PRKAG2: variants seen among roughly 807,000 people sequenced by gnomAD.
PRKAG2 encodes 5'-AMP-activated protein kinase subunit gamma-2.
In PRKAG2, 26 loss-of-function variants were observed where a neutral mutation model predicts 69.6. That is an observed-to-expected ratio of 0.37 (90% CI 0.27 to 0.52). PRKAG2 has a LOEUF of 0.52. PRKAG2 is among the 20% of genes least tolerant of loss of function. The probability of loss-of-function intolerance (pLI) is 0.90; values close to 1 mark genes in which losing one functional copy is unlikely to be tolerated. For missense variants in PRKAG2, 557 were observed against 740.0 expected (o/e 0.75, Z 2.87); for synonymous variants, 293 against 285.0 (o/e 1.03, Z -0.28).
rs1017608336 is a variant in PRKAG2, at chr7:151,614,183, G to GA, written c.754+17885dup. ...TCCAACACGGCCTGTCAGGGGAGGTGACGCTGTCTCCAGCTGTGTCTTGAA... is the reference window on the plus strand; with the variant it reads ...TCCAACACGGCCTGTCAGGGGAGGTGAACGCTGTCTCCAGCTGTGTCTTGAA... On this transcript the variant is annotated intron_variant, in intron 5 of 15. Coordinates refer to ENST00000287878, the MANE Select transcript of PRKAG2 (RefSeq NM_016203.4). This position sits in a 1 kb window ranked among gnomAD's most constrained non-coding sequence, Gnocchi z 4.4. Among the ~76,000 whole-genome samples, 1 of 152,128 alleles carries GA rather than the reference G, an allele frequency of 6.6e-6. No individual in the cohort carries two copies. Among genetic ancestry groups the GA allele is most frequent in the African/African-American group, 2.4e-5 (1 of 41,440 alleles).
chr7:151,573,330 TG>T (rs1329570815), intron 8 of PRKAG2, among the ~76,000 whole-genome samples: 1 of 132,096 alleles, frequency 7.6e-6, no homozygotes, highest in African/African-American at 2.9e-5. Flanking sequence ...CTAATTTTTG[TG>T]GGTTTTTTTT....
chr7:151,565,519 A>C, intron 12 of PRKAG2, 136 bp from the exon 13 acceptor site: 1 of 980,404 alleles, frequency 1.0e-6, no homozygotes, highest in Non-Finnish European at 1.5e-6. Context: ...GAAAACTTAG[A>C]TATGAAATCA....
intron 4 of PRKAG2, among the ~76,000 whole-genome samples, chr7:151,665,013 C>T (rs1461251426): frequency 6.6e-6 from 1 of 152,202 alleles, no homozygotes; most frequent in African/African-American, 2.4e-5. Context: ...TGATGCTAAT[C>T]CAAGGCCATG....
intron 4 of PRKAG2, among the ~76,000 whole-genome samples, chr7:151,633,883 T>C (rs1825277329): frequency 6.6e-6 from 1 of 152,208 alleles, no homozygotes; most frequent in Non-Finnish European, 1.5e-5. Flanking sequence ...TAAATAAGCT[T>C]ATTCTAAAAT....
chr7:151,698,228 C>A (rs1837025632), intron 3 of PRKAG2, among the ~76,000 whole-genome samples: 1 of 152,222 alleles, frequency 6.6e-6, no homozygotes, highest in South Asian at 2.1e-4. Flanking sequence ...TGGGCTAATG[C>A]CCCTGGGGGC....
intron 1 of PRKAG2, among the ~76,000 whole-genome samples, chr7:151,827,956 T>C (rs2078946399): frequency 6.6e-6 from 1 of 152,138 alleles, no homozygotes; most frequent in Admixed American, 6.5e-5. Flanking sequence ...CTCCCCATCA[T>C]GTCGCTTCCT....
chr7:151,822,257 G>A (rs1176445410), intron 1 of PRKAG2, among the ~76,000 whole-genome samples: 3 of 152,200 alleles, frequency 2.0e-5, no homozygotes, highest in Non-Finnish European at 4.4e-5. Context: ...GAGGCCTCGA[G>A]CCCAGGAACG....
At chr7:151,580,646 T>C (rs1243504793) in intron 6 of PRKAG2, among the ~76,000 whole-genome samples, 1 of 152,158 alleles carries the variant, frequency 6.6e-6, no homozygotes, top group Admixed American at 6.6e-5. Context: ...TCAAAGATGC[T>C]ATGTAATCTG....
intron 1 of PRKAG2, among the ~76,000 whole-genome samples, chr7:151,858,566 C>T (rs1385920020): frequency 6.6e-6 from 1 of 152,208 alleles, no homozygotes; most frequent in Non-Finnish European, 1.5e-5. Context: ...CACACACACA[C>T]ACCACCCCTG....
At chr7:151,782,361 G>A (rs1563663159) in intron 2 of PRKAG2, among the ~76,000 whole-genome samples, 21 of 34,120 alleles carry the variant, frequency 6.2e-4, no homozygotes, top group Non-Finnish European at 9.6e-4. Flanking sequence ...GGGAGGGAGG[G>A]AGGGAGGGAG....
intron 4 of PRKAG2, among the ~76,000 whole-genome samples, chr7:151,639,098 C>T (rs544989689): frequency 5.9e-5 from 9 of 152,286 alleles, no homozygotes; most frequent in African/African-American, 1.9e-4. Flanking sequence ...GTCTCAGTCC[C>T]AGCCCAGCCC....
chr7:151,679,948 T>G (rs1392875106), intron 3 of PRKAG2, among the ~76,000 whole-genome samples: 1 of 151,442 alleles, frequency 6.6e-6, no homozygotes, highest in Non-Finnish European at 1.5e-5. Flanking sequence ...GCCTGTAGTC[T>G]CAGCTACATG....
At chr7:151,635,753 C>T (rs1412233910) in intron 4 of PRKAG2, among the ~76,000 whole-genome samples, 2 of 152,142 alleles carry the variant, frequency 1.3e-5, no homozygotes, top group African/African-American at 4.8e-5. Flanking sequence ...GGTGACCGAA[C>T]TGTTCTACAT....
chr7:151,632,268 C>T lies in PRKAG2; in HGVS notation c.685-130G>A. On this transcript the variant is annotated intron_variant, in intron 4 of 15. Transcript: ENST00000287878. This position sits in a 1 kb window ranked among gnomAD's most constrained non-coding sequence, Gnocchi z 4.2. ...CCGGGAGGAGGGGCCTGGCAGGGGA[C>T]GCGGGCAGCGGGGGCCGGGGGCGGA... 2 of 1,027,156 alleles carry T rather than the reference C, an allele frequency of 1.9e-6. No individual in the cohort carries two copies. Among genetic ancestry groups the T allele is most frequent in the South Asian group, 9.1e-5 (2 of 22,082 alleles). 63.6% of individuals were successfully genotyped at this position (1,027,156 alleles called of 1,614,324 possible). A position where few individuals can be genotyped will look rare whatever the true frequency, so the allele number is the denominator to read the frequency against.
intron 5 of PRKAG2, among the ~76,000 whole-genome samples, chr7:151,617,619 GTTTT>G (rs553733760): frequency 6.6e-6 from 1 of 151,878 alleles, no homozygotes; most frequent in Non-Finnish European, 1.5e-5. Flanking sequence ...GCATTGTTGA[GTTTT>G]TTTAAAATAA....
rs1291394865 is a variant in PRKAG2 at position 151,814,963 on chromosome 7, C to T, written c.115-28422G>A. The T allele has an allele frequency of 3.2e-5, 30 of 937,002 alleles. No individual in the cohort carries two copies. The East Asian group carries it at 3.3e-4, about 10-fold the overall frequency. 58.0% of individuals were successfully genotyped at this position (937,002 alleles called of 1,614,324 possible). On this transcript the variant is annotated intron_variant, in intron 1 of 15. Transcript: ENST00000287878. This position sits in a 1 kb window ranked among gnomAD's most constrained non-coding sequence, Gnocchi z 4.8. ...GATGGAGGGAGGCAGGAGCAGAGGC[C>T]GATGATGCAGCAGTGGACAGCTCTG...
intron 3 of PRKAG2, among the ~76,000 whole-genome samples, chr7:151,768,102 T>C (rs1388908159): frequency 6.6e-6 from 1 of 152,232 alleles, no homozygotes; most frequent in African/African-American, 2.4e-5. Context: ...GCATGTTCAC[T>C]TGGCTCATGG....
intron 3 of PRKAG2, among the ~76,000 whole-genome samples, chr7:151,728,269 T>C (rs563668319): frequency 8.5e-4 from 130 of 152,264 alleles, no homozygotes; most frequent in African/African-American, 3.0e-3. Context: ...CTTTGCCTAT[T>C]TTTTTCTTCT....
chr7:151,651,735 A>T (rs1422991367), intron 4 of PRKAG2, among the ~76,000 whole-genome samples: 1 of 152,204 alleles, frequency 6.6e-6, no homozygotes, highest in Non-Finnish European at 1.5e-5. Flanking sequence ...CCTTCAAGAA[A>T]CTACCACTTG....
Sources: gnomAD v4.1 joint callset for allele counts (sites outside exome capture counted in the v4.1 genomes callset) on GRCh38, gnomAD v4.1.1 for gene constraint, Gnocchi (gnomAD v3.1) non-coding constraint, MANE v1.5 for transcripts, NCBI Gene and HGNC (gene_info 2026-07-23, HGNC 2026-07-21) for gene names.